Variants in ESRRG observed in about 807,000 individuals in gnomAD.
ESRRG encodes the protein estrogen related receptor gamma.
In ESRRG, 13 loss-of-function variants were observed where a neutral mutation model predicts 44.0. The observed-to-expected ratio is 0.30, with a 90% CI of 0.19 to 0.47. The LOEUF (loss-of-function observed/expected upper bound fraction) is 0.47, where lower values mean the gene tolerates loss of function less well. Among genes scored for constraint, ESRRG ranks in the 20% least tolerant of loss-of-function variants. The pLI is 1.00. For synonymous variants in ESRRG, 215 were observed against 214.6 expected, an observed-to-expected ratio of 1.00 and a Z score of -0.02; for missense variants, 395 against 580.6, an observed-to-expected ratio of 0.68 and a Z score of 3.29.
intron 1 of ESRRG, among the ~76,000 whole-genome samples, chr1:216,960,842 A>G (rs2068898080): frequency 6.6e-6 from 1 of 152,060 alleles, no homozygotes; most frequent in African/African-American, 2.4e-5. Flanking sequence ...CCTCCCACCT[A>G]GTCCTCCCAA....
intron 2 of ESRRG, among the ~76,000 whole-genome samples, chr1:216,836,098 A>AC (rs1278839121): frequency 6.6e-6 from 1 of 151,278 alleles, no homozygotes; most frequent in African/African-American, 2.4e-5. Flanking sequence ...GATTTCAAAA[A>AC]AAAAAAAAAA....
intron 2 of ESRRG, among the ~76,000 whole-genome samples, chr1:216,827,097 A>T (rs2095410903): frequency 6.6e-6 from 1 of 152,208 alleles, no homozygotes; most frequent in African/African-American, 2.4e-5. Flanking sequence ...AATTATTTAT[A>T]CTTAATGTTA....
At chr1:216,887,271 T>C (rs1387378074) in intron 2 of ESRRG, among the ~76,000 whole-genome samples, 1 of 152,206 alleles carries the variant, frequency 6.6e-6, no homozygotes, top group African/African-American at 2.4e-5. Context: ...TTCAGCTACA[T>C]ATCAGTTAAG....
intron 1 of ESRRG, among the ~76,000 whole-genome samples, chr1:216,985,593 A>T (rs1206200239): frequency 6.6e-6 from 1 of 152,086 alleles, no homozygotes; most frequent in Non-Finnish European, 1.5e-5. Context: ...ATGGAATAAA[A>T]CTCACCTCTT....
chr1:216,542,708 C>A (rs1280245718), intron 5 of ESRRG, among the ~76,000 whole-genome samples: 1 of 151,918 alleles, frequency 6.6e-6, no homozygotes, highest in Non-Finnish European at 1.5e-5. Context: ...ACATTGAATT[C>A]CACACAAAAA....
intron 5 of ESRRG, among the ~76,000 whole-genome samples, chr1:216,561,774 A>C (rs1375512832): frequency 3.9e-5 from 6 of 152,158 alleles, no homozygotes; most frequent in African/African-American, 1.2e-4. Flanking sequence ...TATTCCTTGC[A>C]ATCATTTACA....
intron 3 of ESRRG, among the ~76,000 whole-genome samples, chr1:216,585,288 G>A (rs1055002053): frequency 1.3e-5 from 2 of 152,172 alleles, no homozygotes; most frequent in African/African-American, 4.8e-5. Context: ...CTCACATTTA[G>A]TAAACTGCCA....
intron 2 of ESRRG, among the ~76,000 whole-genome samples, chr1:216,668,928 C>T (rs542597484): frequency 5.9e-5 from 9 of 152,246 alleles, no homozygotes; most frequent in Middle Eastern, 3.4e-3. Flanking sequence ...ACAAAACTGC[C>T]TAGGAAATCC....
At chr1:217,109,933 T>C (rs1304689966) in intron 1 of ESRRG, among the ~76,000 whole-genome samples, 1 of 152,224 alleles carries the variant, frequency 6.6e-6, no homozygotes, top group Non-Finnish European at 1.5e-5. Flanking sequence ...TTAAAGGGTC[T>C]TTAAGTTGGA....
chr1:216,545,320 C>G (rs1213564056), intron 5 of ESRRG, among the ~76,000 whole-genome samples: 1 of 151,622 alleles, frequency 6.6e-6, no homozygotes, highest in African/African-American at 2.4e-5. Flanking sequence ...GCCTCTGTCT[C>G]CCAAACTGCT....
chr1:217,134,251 G>C (rs2093015587), intron 1 of ESRRG, among the ~76,000 whole-genome samples: 1 of 152,110 alleles, frequency 6.6e-6, no homozygotes, highest in Non-Finnish European at 1.5e-5. Context: ...CCTCCAAATG[G>C]CACCGACACA....
intron 1 of ESRRG, among the ~76,000 whole-genome samples, chr1:216,686,799 G>C (rs1298891349): frequency 6.6e-6 from 1 of 152,148 alleles, no homozygotes; most frequent in Non-Finnish European, 1.5e-5. Flanking sequence ...CTGACTCTCA[G>C]TTTTCTCATT....
intron 1 of ESRRG, among the ~76,000 whole-genome samples, chr1:217,137,483 G>A (rs2093065183): frequency 1.3e-5 from 2 of 152,212 alleles, no homozygotes; most frequent in Non-Finnish European, 2.9e-5. Context: ...CGAAGACCGC[G>A]CCTGGGGCTC....
chr1:217,041,464 G>C (rs887080328), intron 1 of ESRRG, among the ~76,000 whole-genome samples: 5 of 151,946 alleles, frequency 3.3e-5, no homozygotes, highest in Non-Finnish European at 7.4e-5. Flanking sequence ...ATACTACATA[G>C]TTTTTTAAAA....
chr1:216,802,007 G>C (rs2094637497), intron 2 of ESRRG, among the ~76,000 whole-genome samples: 1 of 152,054 alleles, frequency 6.6e-6, no homozygotes, highest in Non-Finnish European at 1.5e-5. Flanking sequence ...TGTTAGCTCT[G>C]GTAATCAGTT....
chr1:216,876,051 T>G lies in ESRRG; in HGVS notation c.-14+63531A>C, dbSNP rs1040792604. ...TCAGGCTTATGACCAATGTAATCAC[T>G]GGAAGATTCCCTTCTAAACTGATAA... is the stretch of plus-strand genomic sequence containing the variant. On this transcript the variant is annotated intron_variant, in intron 2 of 7. Coordinates refer to the ESRRG transcript ENST00000359162. Among the ~76,000 whole-genome samples, 4 of 152,338 alleles carry G rather than the reference T, an allele frequency of 2.6e-5. No individual in the cohort carries two copies. The East Asian group carries it at 7.7e-4, about 29-fold the overall frequency.
intron 2 of ESRRG, among the ~76,000 whole-genome samples, chr1:216,654,974 A>C (rs1574841021): frequency 6.6e-6 from 1 of 152,332 alleles, no homozygotes; most frequent in East Asian, 1.9e-4. Flanking sequence ...TGAATGACTC[A>C]TCTAGGAATA....
chr1:216,984,258 A>G (rs1412655868), intron 1 of ESRRG, among the ~76,000 whole-genome samples: 1 of 152,156 alleles, frequency 6.6e-6, no homozygotes, highest in Non-Finnish European at 1.5e-5. Context: ...CTCAAAATAA[A>G]TCCTCGTGAT....
At chr1:217,080,917 T>A (rs71643441) in intron 1 of ESRRG, among the ~76,000 whole-genome samples, 4,609 of 152,040 alleles carry the variant, frequency 0.03, 97 homozygotes, top group South Asian at 0.087. Context: ...GACCTCGTGA[T>A]CCGCCCGCCT....
Sources: allele counts gnomAD v4.1 joint callset (sites outside exome capture counted in the v4.1 genomes callset), GRCh38; gene constraint gnomAD v4.1.1; transcripts MANE v1.5; gene names NCBI Gene and HGNC (gene_info 2026-07-23, HGNC 2026-07-21).